PRELID2: variants seen among roughly 807,000 people sequenced by gnomAD.
PRELID2 encodes PRELI domain containing 2, also known as PRELI domain-containing protein 2.
In PRELID2, 25 loss-of-function variants were observed where a neutral mutation model predicts 28.4. That is an observed-to-expected ratio of 0.88 (90% CI 0.64 to 1.23). PRELID2 has a LOEUF of 1.23. Among genes scored for constraint, PRELID2 ranks in the 50% most tolerant of loss-of-function variants. PRELID2 has a pLI of 0.00. For synonymous variants in PRELID2, 76 were observed against 71.6 expected, an observed-to-expected ratio of 1.06 and a Z score of -0.31; for missense variants, 201 against 214.4, an observed-to-expected ratio of 0.94 and a Z score of 0.39.
the PRELID2 span, among the ~76,000 whole-genome samples, chr5:145,413,650 ACAC>A: frequency 1.5e-5 from 2 of 135,188 alleles, no homozygotes; most frequent in Admixed American, 1.5e-4. Flanking sequence ...ACACACACAC[ACAC>A]ATTATTTATT....
At chr5:145,604,378 G>A (rs1753465448) in intron 1 of PRELID2, among the ~76,000 whole-genome samples, 1 of 151,960 alleles carries the variant, frequency 6.6e-6, no homozygotes, top group Non-Finnish European at 1.5e-5. Flanking sequence ...AGTTCGCTTA[G>A]GATAATGGCC....
At chr5:145,761,864 C>T (rs943498131) in intron 6 of PRELID2, among the ~76,000 whole-genome samples, 1 of 151,656 alleles carries the variant, frequency 6.6e-6, no homozygotes, top group East Asian at 1.9e-4. Context: ...AACAGTAGTA[C>T]CCCCACCTAC....
At chr5:145,779,067 AG>A (rs1758601559) in intron 5 of PRELID2, among the ~76,000 whole-genome samples, 1 of 152,228 alleles carries the variant, frequency 6.6e-6, no homozygotes, top group Admixed American at 6.5e-5. Context: ...TCATATAGAA[AG>A]CGCCTCTGTT....
chr5:145,339,341 C>T, the PRELID2 span, among the ~76,000 whole-genome samples: 2 of 152,154 alleles, frequency 1.3e-5, no homozygotes, highest in Non-Finnish European at 2.9e-5. Flanking sequence ...CTTGGAGAGG[C>T]TTCCAGACAT....
At chr5:145,813,077 C>T (rs972955924) in intron 4 of PRELID2, among the ~76,000 whole-genome samples, 3 of 152,204 alleles carry the variant, frequency 2.0e-5, no homozygotes, top group Admixed American at 2.0e-4. Flanking sequence ...ATTGAGCCAA[C>T]AGGCCATGCA....
intron 1 of PRELID2, among the ~76,000 whole-genome samples, chr5:145,741,888 AAAT>A (rs1756799957): frequency 7.9e-6 from 1 of 127,012 alleles, no homozygotes; most frequent in African/African-American, 3.1e-5. Flanking sequence ...TTTAACAAAT[AAAT>A]AATTTAATTT....
chr5:145,302,382 C>T, the PRELID2 span, among the ~76,000 whole-genome samples: 1 of 152,018 alleles, frequency 6.6e-6, no homozygotes, highest in African/African-American at 2.4e-5. Flanking sequence ...AAGTGATCTG[C>T]CCACCTCGGT....
rs117085241 is a variant in PRELID2 at position 145,778,319 on chromosome 5, G to T, written c.475-13319C>A. ...CTGAGAGATACAGGGACGACTGGAC[G>T]ACCTGCCTGCAGAGAGGAGCTTCTC... On this transcript the variant is annotated intron_variant, in intron 5 of 6. Transcript: ENST00000683046. 7.1e-3 allele frequency among the ~76,000 whole-genome samples: 1,076 copies of T among 152,120 alleles called. 5 individuals are homozygous for T. Among genetic ancestry groups the T allele is most frequent in the Admixed American group, 0.011 (175 of 15,276 alleles).
At chr5:145,344,224 T>G in the PRELID2 span, among the ~76,000 whole-genome samples, 1 of 151,904 alleles carries the variant, frequency 6.6e-6, no homozygotes, top group Non-Finnish European at 1.5e-5. Flanking sequence ...TAGGCCAATA[T>G]CCCTGATGAA....
Position 145,650,514 on chromosome 5 carries a change from C to T in PRELID2, n.70+114417G>A, listed in dbSNP as rs80335777. Among the ~76,000 whole-genome samples, 25 of 99,196 alleles carry T rather than the reference C, an allele frequency of 2.5e-4. No individual in the cohort carries two copies. The East Asian group carries it at 5.0e-3, about 20-fold the overall frequency. 65.1% of individuals were successfully genotyped at this position (99,196 alleles called of 152,430 possible). A position where few individuals can be genotyped will look rare whatever the true frequency, so the allele number is the denominator to read the frequency against. ...CTGCTAAGGTGAATTTTGAGCATAT[C>T]GAATCGCACATATATACATATATAT... On this transcript the variant is annotated intron_variant and non_coding_transcript_variant, in intron 1 of 2. Coordinates refer to the PRELID2 transcript ENST00000510259.
At chr5:145,823,157 G>T (rs931926314) in intron 1 of PRELID2, 23 bp from the exon 2 acceptor site, 1 of 1,146,758 alleles carries the variant, frequency 8.7e-7, no homozygotes, top group Non-Finnish European at 1.3e-6. Flanking sequence ...ATATAAAAAA[G>T]AATTACCATT....
the PRELID2 span, among the ~76,000 whole-genome samples, chr5:145,329,976 GT>G: frequency 1.3e-5 from 2 of 151,948 alleles, no homozygotes; most frequent in Admixed American, 1.3e-4. Context: ...TTTATTGAGA[GT>G]TTTTGAAGGG....
At chr5:145,545,733 T>C (rs1475821413) in intron 1 of PRELID2, among the ~76,000 whole-genome samples, 1 of 152,196 alleles carries the variant, frequency 6.6e-6, no homozygotes, top group Non-Finnish European at 1.5e-5. Flanking sequence ...CAGGCTCTTC[T>C]GAATTTAGGT....
intron 1 of PRELID2, among the ~76,000 whole-genome samples, chr5:145,521,640 C>T (rs961875252): frequency 3.3e-5 from 5 of 152,108 alleles, no homozygotes; most frequent in African/African-American, 4.8e-5. Context: ...AGATCTGCCT[C>T]ATAATCCCTA....
chr5:145,700,595 T>C (rs1161232728), intron 1 of PRELID2, among the ~76,000 whole-genome samples: 3 of 152,126 alleles, frequency 2.0e-5, no homozygotes, highest in Non-Finnish European at 4.4e-5. Flanking sequence ...CATTTCTTAT[T>C]GGTAGATGCC....
chr5:145,334,747 C>G, the PRELID2 span, among the ~76,000 whole-genome samples: 2 of 150,740 alleles, frequency 1.3e-5, no homozygotes, highest in Admixed American at 1.3e-4. Flanking sequence ...ACAGCTTTGC[C>G]AAGCATAGTA....
intron 1 of PRELID2, among the ~76,000 whole-genome samples, chr5:145,626,309 A>G (rs571586437): frequency 2.0e-5 from 3 of 152,364 alleles, no homozygotes; most frequent in African/African-American, 7.2e-5. Context: ...TCCAGAATCT[A>G]CAAGGAACTC....
chr5:145,794,914 G>A (rs1333380600), intron 5 of PRELID2, among the ~76,000 whole-genome samples: 3 of 151,912 alleles, frequency 2.0e-5, no homozygotes, highest in Non-Finnish European at 4.4e-5. Flanking sequence ...GCCAAATCCA[G>A]CCCACCACCT....
chr5:145,765,828 A>G (rs1161183187), intron 5 of PRELID2, among the ~76,000 whole-genome samples: 1 of 152,202 alleles, frequency 6.6e-6, no homozygotes, highest in East Asian at 1.9e-4. Context: ...CCAAATAAGT[A>G]CTATCCTTAC....
Sources: allele counts gnomAD v4.1 joint callset (sites outside exome capture counted in the v4.1 genomes callset), GRCh38; gene constraint gnomAD v4.1.1; transcripts MANE v1.5; gene names NCBI Gene and HGNC (gene_info 2026-07-23, HGNC 2026-07-21).